The following CCDC186 variants were observed in gnomAD, a reference collection of about 807,000 sequenced individuals.
CCDC186 encodes coiled-coil domain containing 186, also known as coiled-coil domain-containing protein 186.
In CCDC186, 49 loss-of-function variants were observed where a neutral mutation model predicts 113.7. That is an observed-to-expected ratio of 0.43 (90% CI 0.34 to 0.55). CCDC186 has a LOEUF of 0.55. Ranked by LOEUF, CCDC186 falls within the 20% of genes least tolerant of loss-of-function variation. CCDC186 has a pLI of 0.02. For synonymous variants in CCDC186, 355 were observed against 345.8 expected (o/e 1.03, Z -0.30); for missense variants, 890 against 1,011.1 (o/e 0.88, Z 1.62).
intron 4 of CCDC186, among the ~76,000 whole-genome samples, chr10:114,149,774 AAGGCAGGAAGGC>A (rs1252079910): frequency 1.6e-3 from 76 of 46,470 alleles, no homozygotes; most frequent in Middle Eastern, 0.015. Context: ...GGAAGGAAGG[AAGGCAGGAAGGC>A]AGGAAGGAAG....
intron 2 of CCDC186, 51 bp from the exon 3 acceptor site, chr10:114,157,731 AAAT>A: frequency 7.2e-7 from 1 of 1,389,180 alleles, no homozygotes; most frequent in Non-Finnish European, 9.8e-7. Context: ...AATGGAGATA[AAAT>A]AATATGTGGA....
In CCDC186 at chr10:114,163,306, C is replaced by T; in HGVS notation, c.-38G>A. ...CAATTCACTTTGTAATTCTTCAAAT[C>T]TGCTCCTGATCTTCGTTTTACATCT... is the stretch of plus-strand genomic sequence containing the variant. On this transcript the variant is annotated 5_prime_UTR_variant, in exon 2 of 16. Transcript: ENST00000369287. 6.4e-7 allele frequency: 1 copy of T among 1,570,812 alleles called. No individual in the cohort carries two copies. Among genetic ancestry groups the T allele is most frequent in the Non-Finnish European group, 8.6e-7 (1 of 1,167,500 alleles).
At chr10:114,170,166 T>G (rs1313789519) in intron 1 of CCDC186, among the ~76,000 whole-genome samples, 1 of 152,148 alleles carries the variant, frequency 6.6e-6, no homozygotes, top group Non-Finnish European at 1.5e-5. Context: ...ACCTGACACT[T>G]AAGTTTCATA....
rs749474027 is a variant in CCDC186, at chr10:114,123,462, T to A, written c.*1681A>T. 3 of 152,202 alleles carry A rather than the reference T, an allele frequency of 2.0e-5. No individual in the cohort carries two copies. The highest frequency in any genetic ancestry group is 4.4e-5 in the Non-Finnish European group (3 of 68,018). 9.4% of individuals were successfully genotyped at this position (152,202 alleles called of 1,614,324 possible). A position where few individuals can be genotyped will look rare whatever the true frequency, so the allele number is the denominator to read the frequency against. On this transcript the variant is annotated 3_prime_UTR_variant, in exon 16 of 16. Transcript: ENST00000369287. ...AAAATGTTAAAACACATTAAAAGGA[T>A]ATTGCCACCATGAGCCCAACTTTTA...
intron 2 of CCDC186, chr10:114,161,638 A>G (rs2032170736): frequency 6.6e-6 from 1 of 152,172 alleles, no homozygotes; most frequent in African/African-American, 2.4e-5. Flanking sequence ...GTTTATTCAC[A>G]TAATATAGTA....
intron 2 of CCDC186, among the ~76,000 whole-genome samples, chr10:114,159,196 G>GTAA (rs960098197): frequency 4.6e-5 from 7 of 152,108 alleles, no homozygotes; most frequent in Admixed American, 3.9e-4. Context: ...TGACACAGTG[G>GTAA]TTTAACTTAG....
intron 6 of CCDC186, among the ~76,000 whole-genome samples, chr10:114,142,959 A>G (rs2119760751): frequency 6.6e-6 from 1 of 152,312 alleles, no homozygotes; most frequent in South Asian, 2.1e-4. Flanking sequence ...AGTAACCGGG[A>G]GCCCATCTTG....
At chr10:114,171,635 G>A (rs2032497736) in intron 1 of CCDC186, among the ~76,000 whole-genome samples, 1 of 152,048 alleles carries the variant, frequency 6.6e-6, no homozygotes, top group Admixed American at 6.5e-5. Flanking sequence ...AAAAGTTTGG[G>A]TTAATGTTTA....
At chr10:114,161,378 T>C (rs1165904289) in intron 2 of CCDC186, among the ~76,000 whole-genome samples, 2 of 152,148 alleles carry the variant, frequency 1.3e-5, no homozygotes, top group Admixed American at 6.5e-5. Flanking sequence ...AAATGTAATA[T>C]ACCAGGCACC....
chr10:114,173,341 T>C (rs2032574409), intron 1 of CCDC186: 1 of 331,186 alleles, frequency 3.0e-6, no homozygotes, highest in Non-Finnish European at 6.3e-6. Context: ...ACACCTGCAC[T>C]GTTTCCCAAG....
intron 1 of CCDC186, among the ~76,000 whole-genome samples, chr10:114,170,330 TTATTAGAAAC>T (rs71473027): frequency 0.086 from 13,017 of 152,132 alleles, 660 homozygotes; most frequent in Middle Eastern, 0.15. Flanking sequence ...TAACTTTTTA[TTATTAGAAAC>T]TATTAGAAAC....
At position 114,130,053 on chromosome 10, in the gene CCDC186, T is replaced by A; in HGVS notation, c.2102-82A>T. 4 of 1,273,768 alleles carry A rather than the reference T, an allele frequency of 3.1e-6. No individual in the cohort carries two copies. The South Asian group carries it at 3.8e-5, about 12-fold the overall frequency. The allele number at this position is 1,273,768 out of a possible 1,614,324, so 78.9% of individuals were successfully genotyped here. On this transcript the variant is annotated intron_variant, in intron 12 of 15. Coordinates refer to ENST00000369287, the MANE Select transcript of CCDC186 (RefSeq NM_018017.4). ...CTCTGACTTTAATTGCTAAAATCAC[T>A]GAGGCAAAAATGGCATAGACAAGAG...
Position 114,123,316 on chromosome 10 carries a change from T to C in CCDC186, c.*1827A>G, listed in dbSNP as rs2030787889. On this transcript the variant is annotated 3_prime_UTR_variant, in exon 16 of 16. Transcript: ENST00000369287. ...AAAATAAAACATCTTTGAACATATA[T>C]TTTCATTTTGAAGTGAAAAGATATT... 2 of 152,594 alleles carry C rather than the reference T, an allele frequency of 1.3e-5. 1 individual carries two copies. Among genetic ancestry groups the C allele is most frequent in the South Asian group, 4.1e-4 (2 of 4,834 alleles). The allele number at this position is 152,594 out of a possible 1,614,324, so 9.5% of individuals were successfully genotyped here.
At position 114,151,188 on chromosome 10, in the gene CCDC186, T is replaced by C. The variant is rs2031846699; in HGVS notation, c.792A>G (p.Glu264=). The C allele has an allele frequency of 6.3e-7, 1 of 1,593,966 alleles. No individual in the cohort carries two copies. Among genetic ancestry groups the C allele is most frequent in the Admixed American group, 1.7e-5 (1 of 59,762 alleles). The part of the protein sequence containing the change: ...LESRIEELNK[E]VKASRDQLIA... ...TTAGTTGATCTCTGGAAGCTTTAAC[T>C]TCTTTATTAAGTTCTTCTATTCTTG... Residue 264 remains glutamate (E), a synonymous_variant, in exon 4 of 16, where the codon GAA becomes GAG. Transcript: ENST00000369287.
rs778716677 is a variant in CCDC186 at position 114,125,985 on chromosome 10, A to C, written c.2514T>G (p.His838Gln). ...CCAATGTTAATCCATTGTCAGCTGG[A>C]TGGGATGTATATAAAGATGCCATGA... ...GGIMASLYTS[H>Q]PADNGLTLEL... The change falls in exon 15 of 16, where the codon CAT becomes CAG. Residue 838 changes from histidine (H) to glutamine (Q), a missense_variant. Physicochemically the swap from His to Gln is conservative, Grantham distance 24. Transcript: ENST00000369287. The C allele has an allele frequency of 1.2e-6, 2 of 1,613,940 alleles. No homozygotes were observed. The highest frequency in any genetic ancestry group is 1.7e-5 in the Admixed American group (1 of 59,976).
At chr10:114,160,731 A>G (rs1564917276) in intron 2 of CCDC186, among the ~76,000 whole-genome samples, 1 of 152,250 alleles carries the variant, frequency 6.6e-6, no homozygotes, top group Non-Finnish European at 1.5e-5. Flanking sequence ...GCATTCATTA[A>G]AATTTCAAAG....
intron 2 of CCDC186, among the ~76,000 whole-genome samples, chr10:114,159,575 G>A (rs564374653): frequency 3.5e-4 from 52 of 150,174 alleles, no homozygotes; most frequent in African/African-American, 1.2e-3. Context: ...CCTGGGAAGC[G>A]GAGGTGGCAG....
chr10:114,157,808 C>T (rs1487845736), intron 2 of CCDC186, 128 bp from the exon 3 acceptor site: 5 of 712,680 alleles, frequency 7.0e-6, no homozygotes, highest in Admixed American at 3.7e-5. Flanking sequence ...AATAAATTAA[C>T]ATTCCTAAAT....
intron 4 of CCDC186, among the ~76,000 whole-genome samples, chr10:114,150,767 G>A (rs1335715581): frequency 1.3e-5 from 2 of 152,042 alleles, no homozygotes; most frequent in African/African-American, 4.8e-5. Context: ...TCCTGCCTCA[G>A]CCTCCCAAGT....
Sources: gnomAD v4.1 joint callset for allele counts (sites outside exome capture counted in the v4.1 genomes callset) on GRCh38, gnomAD v4.1.1 for gene constraint, MANE v1.5 for transcripts, NCBI Gene and HGNC (gene_info 2026-07-23, HGNC 2026-07-21) for gene names.